Variants in PPP4R3A observed in about 807,000 individuals in gnomAD.
PPP4R3A encodes the protein serine/threonine-protein phosphatase 4 regulatory subunit 3A.
In PPP4R3A, 15 loss-of-function variants were observed where a neutral mutation model predicts 91.7. The observed-to-expected ratio is 0.16, with a 90% CI of 0.11 to 0.25. PPP4R3A has a LOEUF of 0.25. Ranked by LOEUF, PPP4R3A falls within the 10% of genes least tolerant of loss-of-function variation. PPP4R3A has a pLI of 1.00. For synonymous variants in PPP4R3A, 377 were observed against 348.7 expected, an observed-to-expected ratio of 1.08 and a Z score of -0.91; for missense variants, 623 against 998.4, an observed-to-expected ratio of 0.62 and a Z score of 5.07.
intron 1 of PPP4R3A, among the ~76,000 whole-genome samples, chr14:91,501,960 G>T (rs1415538049): frequency 6.9e-6 from 1 of 145,896 alleles, no homozygotes; most frequent in Non-Finnish European, 1.5e-5. Flanking sequence ...TTGACCTCGT[G>T]ATCTGCCCAT....
chr14:91,476,711 G>T (rs1306226013), intron 5 of PPP4R3A, among the ~76,000 whole-genome samples, 187 bp from the exon 6 acceptor site: 1 of 152,116 alleles, frequency 6.6e-6, no homozygotes, highest in African/African-American at 2.4e-5. Context: ...GATTACAGGT[G>T]CCCGCCACCA....
chr14:91,495,329 T>TGTGTGTGTGTGTGTG (rs1409046314), intron 1 of PPP4R3A, among the ~76,000 whole-genome samples: 9 of 151,300 alleles, frequency 5.9e-5, no homozygotes, highest in South Asian at 2.1e-4. Context: ...TGTGTGTATG[T>TGTGTGTGTGTGTGTG]TTTTTTTTAG....
rs545135304 is a variant in PPP4R3A at position 91,487,673 on chromosome 14, C to T, written c.199-1943G>A. On this transcript the variant is annotated intron_variant, in intron 2 of 14. Coordinates refer to ENST00000554943, the MANE Select transcript of PPP4R3A (RefSeq NM_001366432.2). Reference sequence around the variant, plus strand: ...CCTTTAAGGACCTATGATTCTATTGCAGCAGTTTCTAATCTTTCTCACTAG... The same window carrying T: ...CCTTTAAGGACCTATGATTCTATTGTAGCAGTTTCTAATCTTTCTCACTAG... Among the ~76,000 whole-genome samples, 4 of 152,184 alleles carry T rather than the reference C, an allele frequency of 2.6e-5. No individual in the cohort carries two copies. The South Asian group carries it at 8.3e-4, about 32-fold the overall frequency.
In PPP4R3A at chr14:91,458,755, A is replaced by T; in HGVS notation, c.*4T>A. ...CAGGTACTGATCCTAGGCCGTTGCCATTATTATGAATCAAATTTTGCTTTC... is the reference window on the plus strand; with the variant it reads ...CAGGTACTGATCCTAGGCCGTTGCCTTTATTATGAATCAAATTTTGCTTTC... On this transcript the variant is annotated 3_prime_UTR_variant, in exon 15 of 15. Coordinates refer to ENST00000554943, the MANE Select transcript of PPP4R3A (RefSeq NM_001366432.2). The T allele has an allele frequency of 6.2e-7, 1 of 1,614,094 alleles. No individual in the cohort carries two copies. Among genetic ancestry groups the T allele is most frequent in the Non-Finnish European group, 8.5e-7 (1 of 1,179,994 alleles).
intron 1 of PPP4R3A, among the ~76,000 whole-genome samples, chr14:91,502,105 C>T (rs1252968702): frequency 6.6e-6 from 1 of 151,908 alleles, no homozygotes; most frequent in East Asian, 1.9e-4. Flanking sequence ...ATTTAAATGC[C>T]TCATTACATA....
chr14:91,482,197 T>C lies in PPP4R3A; in HGVS notation c.298-4A>G, dbSNP rs1368037995. ...CGGAAGGGTCCTTTCCTTGAACCTATGAAAAAAAATTTAATTGCTGACAAA... is the reference window on the plus strand; with the variant it reads ...CGGAAGGGTCCTTTCCTTGAACCTACGAAAAAAAATTTAATTGCTGACAAA... On this transcript the variant is annotated splice_region_variant and splice_polypyrimidine_tract_variant and intron_variant, in intron 3 of 14. Coordinates refer to ENST00000554943, the MANE Select transcript of PPP4R3A (RefSeq NM_001366432.2). The C allele has an allele frequency of 1.3e-6, 2 of 1,569,446 alleles. No individual in the cohort carries two copies. The highest frequency in any genetic ancestry group is 1.7e-6 in the Non-Finnish European group (2 of 1,162,826).
chr14:91,488,998 C>A (rs907472977), intron 2 of PPP4R3A, among the ~76,000 whole-genome samples: 1 of 150,666 alleles, frequency 6.6e-6, no homozygotes, highest in African/African-American at 2.4e-5. Flanking sequence ...AGCTCCACCT[C>A]CCAGGTTCAC....
chr14:91,498,730 C>T lies in PPP4R3A; in HGVS notation c.143-7928G>A, dbSNP rs540444428. ...GAGATCGAGACCATCCTGGCTAACA[C>T]GGTGAAACCCCGTCTCTACTAAAAA... On this transcript the variant is annotated intron_variant, in intron 1 of 14. Transcript: ENST00000554943. Among the ~76,000 whole-genome samples the T allele has an allele frequency of 7.7e-3, 1,168 of 151,230 alleles. 21 individuals are homozygous for T. Among genetic ancestry groups the T allele is most frequent in the Non-Finnish European group, 6.6e-3 (448 of 67,808 alleles).
At chr14:91,469,454 G>A (rs577483558) in intron 10 of PPP4R3A, among the ~76,000 whole-genome samples, 20 of 152,208 alleles carry the variant, frequency 1.3e-4, no homozygotes, top group Non-Finnish European at 2.1e-4. Context: ...ACTTGGCCTT[G>A]GTGTTCTCAC....
At chr14:91,507,449 T>TATACTATA (rs1405220421) in intron 1 of PPP4R3A, among the ~76,000 whole-genome samples, 3 of 116,658 alleles carry the variant, frequency 2.6e-5, no homozygotes, top group African/African-American at 9.9e-5. Context: ...ATATACTATA[T>TATACTATA]AGTATATATA....
intron 11 of PPP4R3A, among the ~76,000 whole-genome samples, chr14:91,463,780 CA>C (rs1031857536): frequency 3.2e-4 from 49 of 152,156 alleles, no homozygotes; most frequent in African/African-American, 1.1e-3. Context: ...ATTTTAGGTT[CA>C]GGGGGTCCAT....
In PPP4R3A at chr14:91,462,049, A is replaced by G; in HGVS notation, c.2164T>C (p.Leu722=). 6 of 1,504,940 alleles carry G rather than the reference A, an allele frequency of 4.0e-6. No homozygotes were observed. The highest frequency in any genetic ancestry group is 5.3e-6 in the Non-Finnish European group (6 of 1,127,560). The allele number at this position is 1,504,940 out of a possible 1,614,324, so 93.2% of individuals were successfully genotyped here. ...PISKFMERKK[L]KESEEKEVLL... The stretch of plus-strand genomic sequence containing the variant: ...TCTTGCCCATTTTTTTCCAACATAC[A>G]TTTCTTCCTTTCCATGAATTTACTT... Residue 722 remains leucine (L), a splice_region_variant and synonymous_variant, in exon 13 of 15, where the codon TTA becomes CTA. Coordinates refer to ENST00000554943, the MANE Select transcript of PPP4R3A (RefSeq NM_001366432.2).
At chr14:91,477,091 G>T in intron 4 of PPP4R3A, 105 bp from the exon 5 acceptor site, 1 of 777,390 alleles carries the variant, frequency 1.3e-6, no homozygotes. Flanking sequence ...AAAAGGAAAG[G>T]TGGTATTGGC....
chr14:91,508,970 T>G (rs1450989675), intron 1 of PPP4R3A, among the ~76,000 whole-genome samples: 2 of 152,190 alleles, frequency 1.3e-5, no homozygotes, highest in African/African-American at 2.4e-5. Flanking sequence ...AGTGTAGAGT[T>G]GCCAGATACA....
rs1887888346 is a variant in PPP4R3A, at chr14:91,458,217, A to AG, written c.*541dup. 6.5e-6 allele frequency: 1 copy of AG among 153,418 alleles called. No homozygotes were observed. The highest frequency in any genetic ancestry group is 2.4e-5 in the African/African-American group (1 of 41,430). 9.5% of individuals were successfully genotyped at this position (153,418 alleles called of 1,614,324 possible). On this transcript the variant is annotated 3_prime_UTR_variant, in exon 15 of 15. Transcript: ENST00000554943. ...AAAATATCTGCAGTTTGAAGGGCAA[A>AG]GGGAACAGTTAAAAAAGAGGAAAAC...
intron 1 of PPP4R3A, among the ~76,000 whole-genome samples, chr14:91,503,704 C>T (rs1370588680): frequency 1.3e-5 from 2 of 151,682 alleles, no homozygotes; most frequent in Non-Finnish European, 2.9e-5. Flanking sequence ...GCACACGTAC[C>T]CGGGAATTTA....
At chr14:91,479,528 T>C (rs376428928) in intron 4 of PPP4R3A, among the ~76,000 whole-genome samples, 9 of 150,792 alleles carry the variant, frequency 6.0e-5, no homozygotes, top group Non-Finnish European at 1.2e-4. Flanking sequence ...TCACCATACC[T>C]GGCTAATTTA....
intron 1 of PPP4R3A, among the ~76,000 whole-genome samples, chr14:91,491,804 C>A (rs558557720): frequency 6.6e-6 from 1 of 152,120 alleles, no homozygotes; most frequent in Non-Finnish European, 1.5e-5. Flanking sequence ...TGCAGTTGTG[C>A]GATCTCAGCT....
At chr14:91,465,967 A>G (rs1888451926) in intron 10 of PPP4R3A, among the ~76,000 whole-genome samples, 1 of 152,240 alleles carries the variant, frequency 6.6e-6, no homozygotes, top group Non-Finnish European at 1.5e-5. Flanking sequence ...GCCTTGCCAT[A>G]GTTTAAAAAT....
Sources: allele counts gnomAD v4.1 joint callset (sites outside exome capture counted in the v4.1 genomes callset), GRCh38; gene constraint gnomAD v4.1.1; transcripts MANE v1.5; gene names NCBI Gene and HGNC (gene_info 2026-07-23, HGNC 2026-07-21).